Variants in CHD7 observed in about 807,000 individuals in gnomAD.
CHD7 encodes chromodomain helicase DNA binding protein 7.
A neutral mutation model predicts 307.3 loss-of-function variants in CHD7; 24 were observed. The ratio of observed to expected loss-of-function variants is 0.08; its 90% confidence interval spans 0.06 to 0.11. CHD7 has a LOEUF of 0.11. Ranked by LOEUF, CHD7 falls within the 10% of genes least tolerant of loss-of-function variation. The pLI is 1.00. For missense variants in CHD7, 3,106 were observed against 3,727.1 expected (o/e 0.83, Z 4.34); for synonymous variants, 1,363 against 1,349.9 (o/e 1.01, Z -0.21).
At position 60,741,698 on chromosome 8, in the gene CHD7, T is replaced by C; in HGVS notation, c.266T>C (p.Met89Thr). 6.2e-7 allele frequency: 1 copy of C among 1,613,986 alleles called. No individual in the cohort carries two copies. Among genetic ancestry groups the C allele is most frequent in the Non-Finnish European group, 8.5e-7 (1 of 1,179,872 alleles). The part of the protein sequence containing the change: ...KMHLMDQPNR[M>T]MSNTPGNGLA... The stretch of plus-strand genomic sequence containing the variant: ...CATCTGATGGATCAGCCGAACAGAA[T>C]GATGAGCAACACCCCTGGGAACGGA... Residue 89 changes from methionine (M) to threonine (T), a missense_variant, in exon 2 of 38, where the codon ATG (methionine) becomes ACG (threonine). Physicochemically the swap from Met to Thr is moderately conservative, Grantham distance 81. Around this residue, in one of 10 missense-constraint regions of CHD7, gnomAD observed 998 missense variants for 1,004.5 expected, o/e 0.99. Coordinates refer to ENST00000423902, the MANE Select transcript of CHD7 (RefSeq NM_017780.4).
intron 1 of CHD7, among the ~76,000 whole-genome samples, chr8:60,699,997 A>T (rs1396554143): frequency 6.6e-6 from 1 of 151,474 alleles, no homozygotes; most frequent in African/African-American, 2.4e-5. Context: ...TGCCTGGCTA[A>T]TTTTGTATTT....
At chr8:60,821,024 A>G (rs1168955022) in intron 9 of CHD7, among the ~76,000 whole-genome samples, 1 of 152,214 alleles carries the variant, frequency 6.6e-6, no homozygotes, top group African/African-American at 2.4e-5. Context: ...GATCTGCATT[A>G]CCTGAAATAT....
intron 1 of CHD7, among the ~76,000 whole-genome samples, chr8:60,732,022 C>G (rs138613240): frequency 6.6e-5 from 10 of 152,376 alleles, no homozygotes; most frequent in Middle Eastern, 3.4e-3. Context: ...GACTCCCTTC[C>G]TATCACATGT....
At chr8:60,743,119 C>T (rs776510917) in intron 2 of CHD7, 22 bp downstream of exon 2, 5 of 1,589,580 alleles carry the variant, frequency 3.1e-6, no homozygotes, top group Non-Finnish European at 4.3e-6. Flanking sequence ...CAGAGCCTAC[C>T]TCTGCATTGC....
chr8:60,703,658 C>A (rs1406464904), intron 1 of CHD7, among the ~76,000 whole-genome samples: 1 of 152,202 alleles, frequency 6.6e-6, no homozygotes, highest in African/African-American at 2.4e-5. Context: ...TCTTGTCCCA[C>A]CCCTTTATGG....
At chr8:60,824,405 C>A in intron 13 of CHD7, 2 of 272,308 alleles carry the variant, frequency 7.3e-6, no homozygotes, top group Non-Finnish European at 6.8e-6. Context: ...TGGATTTTCT[C>A]ATTTGGGATG....
intron 7 of CHD7, among the ~76,000 whole-genome samples, chr8:60,811,797 A>G (rs1563621330): frequency 6.6e-6 from 1 of 152,138 alleles, no homozygotes; most frequent in Non-Finnish European, 1.5e-5. Context: ...TGTTCCTGTC[A>G]ACAAAGTATG....
chr8:60,759,129 G>A (rs1210088770), intron 2 of CHD7, among the ~76,000 whole-genome samples: 1 of 152,082 alleles, frequency 6.6e-6, no homozygotes, highest in Non-Finnish European at 1.5e-5. Context: ...TTTGAACACT[G>A]CTGGTTTAAA....
intron 2 of CHD7, among the ~76,000 whole-genome samples, chr8:60,763,529 G>A (rs536282870): frequency 7.0e-4 from 107 of 152,172 alleles, no homozygotes; most frequent in Non-Finnish European, 1.2e-3. Context: ...GATGAGTGGT[G>A]ACCTCCCAGT....
rs1411852746 is a variant in CHD7, at chr8:60,771,714, G to T, written c.1666-9286G>T. ...AGGAATCCATGTTCAGATTCATTCA[G>T]GTTGTCCACAGAATTCATTTCCTAT... On this transcript the variant is annotated intron_variant, in intron 2 of 37. Transcript: ENST00000423902. Among the ~76,000 whole-genome samples the T allele has an allele frequency of 1.2e-4, 13 of 106,416 alleles. No homozygotes were observed. The Admixed American group carries it at 1.3e-3, about 10-fold the overall frequency. The allele number at this position is 106,416 out of a possible 152,430, so 69.8% of individuals were successfully genotyped here.
At chr8:60,794,289 T>C (rs1210244863) in intron 3 of CHD7, among the ~76,000 whole-genome samples, 1 of 152,222 alleles carries the variant, frequency 6.6e-6, no homozygotes, top group Admixed American at 6.5e-5. Context: ...TAATAACATT[T>C]GTCAGCAACA....
At chr8:60,758,529 C>T (rs1810005820) in intron 2 of CHD7, among the ~76,000 whole-genome samples, 1 of 152,174 alleles carries the variant, frequency 6.6e-6, no homozygotes, top group Non-Finnish European at 1.5e-5. Flanking sequence ...TCAAAATTCT[C>T]ACTTTTGTTT....
chr8:60,780,483 T>G (rs1811155225), intron 2 of CHD7, among the ~76,000 whole-genome samples: 1 of 152,248 alleles, frequency 6.6e-6, no homozygotes, highest in Non-Finnish European at 1.5e-5. Context: ...CAGAAATGAC[T>G]TGTATTGTAT....
chr8:60,748,447 G>A (rs1245207186), intron 2 of CHD7, among the ~76,000 whole-genome samples: 1 of 152,150 alleles, frequency 6.6e-6, no homozygotes, highest in African/African-American at 2.4e-5. Context: ...ACTAGGAGGT[G>A]TTTTCAGCAT....
Position 60,836,132 on chromosome 8 carries a change from T to A in CHD7, c.3838T>A (p.Phe1280Ile). ...KETHNAESPD[F>I]QLQAMIQAAG... ...AACACACAATGCAGAGTCTCCAGAT[T>A]TTCAGCTCCAGGCAATGATCCAGGC... is the stretch of plus-strand genomic sequence containing the variant. Residue 1280 changes from phenylalanine (F) to isoleucine (I), a missense_variant, in exon 16 of 38, where the codon TTT becomes ATT. By Grantham distance (21) the Phe-to-Ile change is conservative. This residue lies in a region of CHD7 where 232 missense variants were observed against 422.5 expected (regional missense o/e 0.55). Coordinates refer to ENST00000423902, the MANE Select transcript of CHD7 (RefSeq NM_017780.4). 1.2e-6 allele frequency: 2 copies of A among 1,613,576 alleles called. No individual in the cohort carries two copies. Among genetic ancestry groups the A allele is most frequent in the East Asian group, 4.5e-5 (2 of 44,880 alleles).
Position 60,866,199 on chromosome 8 carries a change from C to CTTT in CHD7, c.*275_*277dup. The CTTT allele has an allele frequency of 1.2e-5, 3 of 253,962 alleles. No individual in the cohort carries two copies. Among genetic ancestry groups the CTTT allele is most frequent in the Non-Finnish European group, 2.2e-5 (3 of 135,442 alleles). The allele number at this position is 253,962 out of a possible 1,614,324, so 15.7% of individuals were successfully genotyped here. On this transcript the variant is annotated 3_prime_UTR_variant, in exon 38 of 38. Coordinates refer to ENST00000423902, the MANE Select transcript of CHD7 (RefSeq NM_017780.4). The stretch of plus-strand genomic sequence containing the variant: ...TTAAGGAAACTTACATAATGCTCTG[C>CTTT]TTTTTTTTTTTCTCTTGGTACCATT...
chr8:60,864,957 T>G, intron 37 of CHD7, 59 bp from the exon 38 acceptor site: 16 of 1,487,508 alleles, frequency 1.1e-5, no homozygotes, highest in Admixed American at 2.0e-5. Flanking sequence ...AGGCTCACAT[T>G]GAGATCAAGT....
chr8:60,721,093 A>G (rs962468867), intron 1 of CHD7, among the ~76,000 whole-genome samples: 2 of 152,092 alleles, frequency 1.3e-5, no homozygotes, highest in African/African-American at 4.8e-5. Context: ...GAGCCTGGGC[A>G]TTTTCCTTCT....
Position 60,741,930 on chromosome 8 carries a change from GCCGCAGCCA to G in CHD7, c.507_515del (p.Pro170_Pro172del). The G allele has an allele frequency of 6.2e-6, 10 of 1,613,076 alleles. No individual in the cohort carries two copies. Among genetic ancestry groups the G allele is most frequent in the Non-Finnish European group, 6.8e-6 (8 of 1,179,636 alleles). ...CCCCCTACCAGCAGCAGCAGCCACA[GCCGCAGCCA>G]CCGCAGCCGGCTCCGTCGGGGCCCC... On this transcript the variant is annotated inframe_deletion, in exon 2 of 38. Coordinates refer to ENST00000423902, the MANE Select transcript of CHD7 (RefSeq NM_017780.4).
Sources: gnomAD v4.1 joint callset for allele counts (sites outside exome capture counted in the v4.1 genomes callset) on GRCh38, gnomAD v4.1.1 for gene constraint, gnomAD v4.1.1 regional missense constraint, MANE v1.5 for transcripts, NCBI Gene and HGNC (gene_info 2026-07-23, HGNC 2026-07-21) for gene names.